C17orf67: variants seen among roughly 807,000 people sequenced by gnomAD.
C17orf67 encodes the protein uncharacterized protein C17orf67.
Under a neutral mutation model 11.2 loss-of-function variants are expected in C17orf67, and 12 were observed. That is an observed-to-expected ratio of 1.07 (90% CI 0.68 to 1.73). The LOEUF is 1.73. Ranked by LOEUF, C17orf67 falls within the 40% of genes most tolerant of loss-of-function variation. The pLI is 0.00. For synonymous variants in C17orf67, 59 were observed against 46.9 expected, an observed-to-expected ratio of 1.26 and a Z score of -1.05; for missense variants, 115 against 113.5, an observed-to-expected ratio of 1.01 and a Z score of -0.06.
chr17:56,818,103 A>T (rs1214159882), intron 4 of C17orf67, among the ~76,000 whole-genome samples: 1 of 152,028 alleles, frequency 6.6e-6, no homozygotes, highest in Non-Finnish European at 1.5e-5. Context: ...CTTGGCCTCC[A>T]AAAATGCTTG....
At chr17:56,804,866 T>G (rs147786580) in intron 6 of C17orf67, among the ~76,000 whole-genome samples, 194 of 152,290 alleles carry the variant, frequency 1.3e-3, no homozygotes, top group African/African-American at 4.4e-3. Flanking sequence ...TCCTAAAATT[T>G]GAGTAGATTA....
chr17:56,829,983 A>G (rs959894031), intron 2 of C17orf67, among the ~76,000 whole-genome samples: 11 of 152,208 alleles, frequency 7.2e-5, no homozygotes, highest in Admixed American at 3.3e-4. Flanking sequence ...TATTTTTTCT[A>G]GAGTTATAGT....
At chr17:56,827,338 A>G (rs1483669229) in intron 2 of C17orf67, among the ~76,000 whole-genome samples, 1 of 152,216 alleles carries the variant, frequency 6.6e-6, no homozygotes, top group African/African-American at 2.4e-5. Flanking sequence ...GATTGAGTAC[A>G]GGCAGAATGG....
In C17orf67 at chr17:56,809,650, C is replaced by A. The variant is rs533607261; in HGVS notation, c.156+5219G>T. On this transcript the variant is annotated intron_variant, in intron 6 of 7. Coordinates refer to ENST00000397861, the MANE Select transcript of C17orf67 (RefSeq NM_001085430.4). ...CCACACACACACCCTCACACACAGACCCCTCACAGACTGCTCACACACAGA... is the reference window on the plus strand; with the variant it reads ...CCACACACACACCCTCACACACAGAACCCTCACAGACTGCTCACACACAGA... 4.3e-5 allele frequency among the ~76,000 whole-genome samples: 6 copies of A among 140,930 alleles called. No homozygotes were observed. In the South Asian group the frequency reaches 1.5e-3, roughly 34 times the overall value. 92.5% of individuals were successfully genotyped at this position (140,930 alleles called of 152,430 possible). A position where few individuals can be genotyped will look rare whatever the true frequency, so the allele number is the denominator to read the frequency against.
chr17:56,827,372 G>C, intron 2 of C17orf67, among the ~76,000 whole-genome samples: 1 of 152,212 alleles, frequency 6.6e-6, no homozygotes, highest in Non-Finnish European at 1.5e-5. Flanking sequence ...GGTGTCTGTT[G>C]TGGCTGTGGA....
At chr17:56,792,604 T>G (rs1249648724) in intron 7 of C17orf67, among the ~76,000 whole-genome samples, 3 of 85,728 alleles carry the variant, frequency 3.5e-5, no homozygotes, top group Non-Finnish European at 5.1e-5. Context: ...TGATGATGGT[T>G]ATGGTGGTGG....
chr17:56,820,234 C>G (rs143967508), intron 4 of C17orf67, among the ~76,000 whole-genome samples: 254 of 152,136 alleles, frequency 1.7e-3, no homozygotes, highest in African/African-American at 5.7e-3. Context: ...AAATAAGGAC[C>G]CAAAACATTT....
At chr17:56,809,455 G>A (rs1195941658) in intron 6 of C17orf67, among the ~76,000 whole-genome samples, 1 of 151,620 alleles carries the variant, frequency 6.6e-6, no homozygotes, top group African/African-American at 2.4e-5. Flanking sequence ...CAGACCTTCT[G>A]AAAAAATACT....
chr17:56,801,406 GT>G (rs1487370731), intron 6 of C17orf67, among the ~76,000 whole-genome samples: 1 of 152,116 alleles, frequency 6.6e-6, no homozygotes, highest in South Asian at 2.1e-4. Flanking sequence ...AGAACTCTAA[GT>G]TTTTAAGTTT....
intron 7 of C17orf67, among the ~76,000 whole-genome samples, chr17:56,794,002 C>T (rs578255155): frequency 6.6e-6 from 1 of 152,308 alleles, no homozygotes; most frequent in East Asian, 1.9e-4. Context: ...CCCACACACA[C>T]ACAGGACTGT....
chr17:56,799,950 A>T (rs1905279576), intron 6 of C17orf67, among the ~76,000 whole-genome samples: 1 of 150,830 alleles, frequency 6.6e-6, no homozygotes, highest in Admixed American at 6.6e-5. Flanking sequence ...TATTTTTATC[A>T]CAACAGTGAT....
chr17:56,819,538 G>A (rs72837362), intron 4 of C17orf67, among the ~76,000 whole-genome samples: 18,091 of 152,156 alleles, frequency 0.12, 1,167 homozygotes, highest in South Asian at 0.16. Context: ...TGAGACTGGA[G>A]AGAGTCGGAG....
intron 6 of C17orf67, among the ~76,000 whole-genome samples, chr17:56,813,603 G>C (rs1043613990): frequency 7.3e-5 from 11 of 150,872 alleles, no homozygotes; most frequent in Non-Finnish European, 1.5e-4. Context: ...ATCCCTAAGA[G>C]CCTGAAGTCA....
chr17:56,817,421 G>T (rs1169905667), intron 4 of C17orf67, among the ~76,000 whole-genome samples: 1 of 152,066 alleles, frequency 6.6e-6, no homozygotes, highest in Non-Finnish European at 1.5e-5. Flanking sequence ...TAGCAAAGTT[G>T]TCTCACATGT....
At position 56,814,901 on chromosome 17, in the gene C17orf67, T is replaced by C. The variant is rs377161329; in HGVS notation, c.124A>G (p.Ser42Gly). 4.0e-5 allele frequency: 64 copies of C among 1,614,112 alleles called. No homozygotes were observed. In the African/African-American group the frequency reaches 4.4e-4, roughly 11 times the overall value. Residue 42 changes from serine (S) to glycine (G), a missense_variant, in exon 6 of 8, where the codon AGC becomes GGC. Ser to Gly is a moderately conservative substitution (Grantham distance 56). Transcript: ENST00000397861. ...GGCTCATCGGGGAATCCGGGTTTGC[T>C]TGGTCTATCCTGTCGCCGAGATCTT... ...LLRSRRQDRPSKPGFPDEPMR... is the reference protein window; with the variant it reads ...LLRSRRQDRPGKPGFPDEPMR...
At chr17:56,825,962 C>CGT (rs1491456603) in intron 2 of C17orf67, among the ~76,000 whole-genome samples, 12 of 49,600 alleles carry the variant, frequency 2.4e-4, no homozygotes, top group Non-Finnish European at 4.6e-4. Context: ...TGTGTGTGTG[C>CGT]ACGCGTGTGT....
At chr17:56,814,763 C>T in intron 6 of C17orf67, 106 bp downstream of exon 6, 1 of 1,083,594 alleles carries the variant, frequency 9.2e-7, no homozygotes, top group Non-Finnish European at 1.4e-6. Context: ...GAAACTCTAA[C>T]CAAACCCCTA....
At chr17:56,810,069 C>T (rs1905574458) in intron 6 of C17orf67, among the ~76,000 whole-genome samples, 1 of 103,820 alleles carries the variant, frequency 9.6e-6, no homozygotes, top group Admixed American at 8.8e-5. Flanking sequence ...ACCCCTCACA[C>T]TTCTGACACA....
At chr17:56,814,736 G>T in intron 6 of C17orf67, 133 bp downstream of exon 6, 2 of 819,154 alleles carry the variant, frequency 2.4e-6, no homozygotes, top group Non-Finnish European at 4.1e-6. Context: ...GATTGAGATT[G>T]CAGCTATCTT....
Sources: allele counts gnomAD v4.1 joint callset (sites outside exome capture counted in the v4.1 genomes callset), GRCh38; gene constraint gnomAD v4.1.1; transcripts MANE v1.5; gene names NCBI Gene and HGNC (gene_info 2026-07-23, HGNC 2026-07-21).